The following PRKCI variants were observed in gnomAD, a reference collection of about 807,000 sequenced individuals.
PRKCI encodes the protein protein kinase C iota type.
In PRKCI, 43 loss-of-function variants were observed where a neutral mutation model predicts 84.0. The observed-to-expected ratio is 0.51, with a 90% CI of 0.40 to 0.66. The LOEUF is 0.66. Among genes scored for constraint, PRKCI ranks in the 30% least tolerant of loss-of-function variants. PRKCI has a pLI of 0.00. For missense variants in PRKCI, 459 were observed against 745.6 expected, an observed-to-expected ratio of 0.62 and a Z score of 4.48; for synonymous variants, 216 against 234.4, an observed-to-expected ratio of 0.92 and a Z score of 0.72.
intron 2 of PRKCI, among the ~76,000 whole-genome samples, chr3:170,244,201 T>A (rs1038845976): frequency 6.6e-6 from 1 of 152,198 alleles, no homozygotes. Flanking sequence ...ATGAGGTGGC[T>A]CTTGGAGGAT....
intron 12 of PRKCI, among the ~76,000 whole-genome samples, chr3:170,285,081 T>TC (rs1194216691): frequency 3.4e-5 from 5 of 148,742 alleles, no homozygotes; most frequent in Non-Finnish European, 7.5e-5. Flanking sequence ...TTCATTTCTT[T>TC]TTTTTTTTTT....
At position 170,273,306 on chromosome 3, in the gene PRKCI, T is replaced by C. The variant is rs761458214; in HGVS notation, c.612T>C (p.Asp204=). 6.2e-7 allele frequency: 1 copy of C among 1,613,786 alleles called. No individual in the cohort carries two copies. Among genetic ancestry groups the C allele is most frequent in the East Asian group, 2.2e-5 (1 of 44,858 alleles). The change falls in exon 7 of 18, where the codon GAT becomes GAC. Residue 204 remains aspartate (D), a synonymous_variant. Transcript: ENST00000295797. ...SLPQEPVMPM[D]QSSMHSDHAQ... is the part of the protein sequence containing the mutation. ...TGTAGGAACCAGTGATGCCCATGGATCAGTCATCCATGCATTCTGACCATG... is the reference window on the plus strand; with the variant it reads ...TGTAGGAACCAGTGATGCCCATGGACCAGTCATCCATGCATTCTGACCATG...
At chr3:170,278,359 T>C (rs906781015) in intron 8 of PRKCI, among the ~76,000 whole-genome samples, 1 of 152,222 alleles carries the variant, frequency 6.6e-6, no homozygotes, top group Non-Finnish European at 1.5e-5. Context: ...TTTTGTGTTG[T>C]TACAAAGGAA....
chr3:170,289,017 G>C (rs1444117589), intron 12 of PRKCI, among the ~76,000 whole-genome samples: 1 of 152,180 alleles, frequency 6.6e-6, no homozygotes, highest in African/African-American at 2.4e-5. Flanking sequence ...TTTATGAACT[G>C]ATGTGCCTTT....
intron 16 of PRKCI, among the ~76,000 whole-genome samples, 176 bp downstream of exon 16, chr3:170,297,569 T>C (rs113019682): frequency 9.9e-4 from 151 of 152,156 alleles, no homozygotes; most frequent in African/African-American, 3.5e-3. Flanking sequence ...GTTCTGTCTC[T>C]GCCTCCCTAG....
At chr3:170,275,206 A>G in intron 7 of PRKCI, 23 bp from the exon 8 acceptor site, 2 of 1,318,166 alleles carry the variant, frequency 1.5e-6, no homozygotes, top group East Asian at 2.8e-5. Flanking sequence ...TTTTTTTTTT[A>G]ATGTTTGGTA....
intron 17 of PRKCI, among the ~76,000 whole-genome samples, chr3:170,300,100 G>A (rs1010178631): frequency 6.6e-6 from 1 of 152,050 alleles, no homozygotes; most frequent in Non-Finnish European, 1.5e-5. Context: ...TTATTGTTTG[G>A]CAGTCATTTC....
chr3:170,239,093 TTAAAC>T (rs1205007201), intron 2 of PRKCI, among the ~76,000 whole-genome samples: 2 of 152,226 alleles, frequency 1.3e-5, no homozygotes, highest in Non-Finnish European at 2.9e-5. Context: ...CATTAAAAAA[TTAAAC>T]TAGTTTTTCA....
intron 13 of PRKCI, 63 bp downstream of exon 13, chr3:170,292,004 A>G (rs1734564763): frequency 8.7e-7 from 1 of 1,147,198 alleles, no homozygotes; most frequent in African/African-American, 1.5e-5. Flanking sequence ...ATGTGGTACC[A>G]ATTGCATTAC....
At chr3:170,260,910 T>A (rs1257294592) in intron 3 of PRKCI, among the ~76,000 whole-genome samples, 1 of 152,198 alleles carries the variant, frequency 6.6e-6, no homozygotes, top group Non-Finnish European at 1.5e-5. Context: ...TCCAAATTTG[T>A]GTTTCATTCA....
In PRKCI at chr3:170,275,299, T is replaced by C. The variant is rs747108293; in HGVS notation, c.705+12T>C. On this transcript the variant is annotated intron_variant, in intron 8 of 17. Coordinates refer to ENST00000295797, the MANE Select transcript of PRKCI (RefSeq NM_002740.6). ...GTGAAGAAAAAGAGGTAAGATAATT[T>C]GTCTTATTGTACATTATATCATTAG... 6.3e-7 allele frequency: 1 copy of C among 1,596,712 alleles called. No homozygotes were observed. Among genetic ancestry groups the C allele is most frequent in the Non-Finnish European group, 8.5e-7 (1 of 1,173,606 alleles).
At chr3:170,238,198 A>G (rs1326605743) in intron 2 of PRKCI, among the ~76,000 whole-genome samples, 2 of 152,108 alleles carry the variant, frequency 1.3e-5, no homozygotes, top group Non-Finnish European at 2.9e-5. Flanking sequence ...CCCCATCTCT[A>G]CTGAAAATAG....
intron 2 of PRKCI, among the ~76,000 whole-genome samples, chr3:170,252,326 CT>C (rs59596482): frequency 0.78 from 119,128 of 152,002 alleles, 47,049 homozygotes; most frequent in East Asian, 0.88. Context: ...AATGGGCAGA[CT>C]TTTTTTTGTT....
chr3:170,283,573 C>T (rs1017002160), intron 11 of PRKCI, among the ~76,000 whole-genome samples: 1 of 152,126 alleles, frequency 6.6e-6, no homozygotes, highest in Non-Finnish European at 1.5e-5. Flanking sequence ...AATGGTCACC[C>T]TTCATAGAGC....
At chr3:170,292,688 C>T (rs1292376611) in intron 13 of PRKCI, among the ~76,000 whole-genome samples, 5 of 141,552 alleles carry the variant, frequency 3.5e-5, no homozygotes, top group Admixed American at 7.4e-5. Context: ...CCAGCCTGGG[C>T]GACAGAGTGA....
At chr3:170,233,501 T>C (rs1288519280) in intron 1 of PRKCI, among the ~76,000 whole-genome samples, 4 of 152,208 alleles carry the variant, frequency 2.6e-5, no homozygotes, top group Non-Finnish European at 5.9e-5. Flanking sequence ...ATTTGTTTTA[T>C]ACCTTTAGAA....
chr3:170,267,978 T>C lies in PRKCI; in HGVS notation c.428T>C (p.Phe143Ser). 6.2e-7 allele frequency: 1 copy of C among 1,612,952 alleles called. No homozygotes were observed. The highest frequency in any genetic ancestry group is 2.2e-5 in the East Asian group (1 of 44,878). Residue 143 changes from phenylalanine (F) to serine (S), a missense_variant, in exon 5 of 18, where the codon TTC becomes TCC. Physicochemically the swap from Phe to Ser is radical, Grantham distance 155. Around this residue, in one of 2 missense-constraint regions of PRKCI, gnomAD observed 250 missense variants for 319.7 expected, o/e 0.78. Coordinates refer to ENST00000295797, the MANE Select transcript of PRKCI (RefSeq NM_002740.6). The stretch of plus-strand genomic sequence containing the variant: ...CTTTATTGTGCCAATGGCCACACTT[T>C]CCAAGCCAAGCGTTTCAACAGGGTA... Reference protein sequence around the residue: ...RKLYCANGHTFQAKRFNRRAH... With the variant: ...RKLYCANGHTSQAKRFNRRAH...
chr3:170,252,743 A>C (rs1733486089), intron 2 of PRKCI, among the ~76,000 whole-genome samples: 1 of 151,922 alleles, frequency 6.6e-6, no homozygotes, highest in Non-Finnish European at 1.5e-5. Context: ...GGCTTGAGCC[A>C]CCATTCCTGG....
At chr3:170,268,097 A>T (rs1733909609) in intron 5 of PRKCI, 97 bp downstream of exon 5, 1 of 927,694 alleles carries the variant, frequency 1.1e-6, no homozygotes, top group Admixed American at 2.4e-5. Context: ...CTTGTTATAC[A>T]CTTTTAAATA....
Sources: allele counts gnomAD v4.1 joint callset (sites outside exome capture counted in the v4.1 genomes callset), GRCh38; gene constraint gnomAD v4.1.1; regional missense constraint gnomAD v4.1.1; transcripts MANE v1.5; gene names NCBI Gene and HGNC (gene_info 2026-07-23, HGNC 2026-07-21).